The following ATP6V0D2 variants were observed in gnomAD, a reference collection of about 807,000 sequenced individuals.
The protein encoded by ATP6V0D2 is ATPase H+ transporting V0 subunit d2.
In ATP6V0D2, 40 loss-of-function variants were observed where a neutral mutation model predicts 40.0. The ratio of observed to expected loss-of-function variants is 1.00; its 90% CI spans 0.78 to 1.30. The LOEUF is 1.30. ATP6V0D2 is among the 50% of genes most tolerant of loss of function. The pLI, the probability that ATP6V0D2 is intolerant of heterozygous loss-of-function variation, is 0.00. For missense variants in ATP6V0D2, 470 were observed against 423.1 expected (o/e 1.11, Z -0.97); for synonymous variants, 179 against 156.3 (o/e 1.15, Z -1.08).
At chr8:86,121,563 C>A (rs1818669604) in intron 2 of ATP6V0D2, among the ~76,000 whole-genome samples, 1 of 146,412 alleles carries the variant, frequency 6.8e-6, no homozygotes, top group Non-Finnish European at 1.5e-5. Context: ...GAGCAAGACT[C>A]CACCATTTCA....
chr8:86,102,820 T>C (rs919300317), intron 1 of ATP6V0D2, among the ~76,000 whole-genome samples: 1 of 152,200 alleles, frequency 6.6e-6, no homozygotes, highest in Non-Finnish European at 1.5e-5. Context: ...TTAGTTCCCA[T>C]TGCCTTTGTC....
At chr8:86,120,578 T>A (rs529468183) in intron 2 of ATP6V0D2, among the ~76,000 whole-genome samples, 12 of 152,196 alleles carry the variant, frequency 7.9e-5, no homozygotes, top group South Asian at 2.1e-4. Flanking sequence ...ATTAAAAAAA[T>A]TTTTTGTCAA....
Position 86,152,997 on chromosome 8 carries a change from TG to T in ATP6V0D2, c.*21del. The stretch of plus-strand genomic sequence containing the variant: ...TTATAACCCAAGTAAGGTTCTCAAA[TG>T]TAGAAAATTATAAATGTTAAAAGGA... On this transcript the variant is annotated 3_prime_UTR_variant, in exon 8 of 8. Transcript: ENST00000285393. 3 of 1,550,086 alleles carry T rather than the reference TG, an allele frequency of 1.9e-6. No individual in the cohort carries two copies. The highest frequency in any genetic ancestry group is 2.6e-6 in the Non-Finnish European group (3 of 1,152,678).
At chr8:86,143,631 G>A (rs1819007255) in intron 5 of ATP6V0D2, among the ~76,000 whole-genome samples, 1 of 152,134 alleles carries the variant, frequency 6.6e-6, no homozygotes, top group African/African-American at 2.4e-5. Context: ...GGTTTTGGTG[G>A]GGTTTAGCCA....
intron 4 of ATP6V0D2, among the ~76,000 whole-genome samples, chr8:86,142,195 G>A (rs560014702): frequency 1.3e-5 from 2 of 152,300 alleles, no homozygotes; most frequent in East Asian, 1.9e-4. Context: ...CAAAAGCATT[G>A]TATTGCAGGC....
intron 2 of ATP6V0D2, among the ~76,000 whole-genome samples, chr8:86,137,783 G>A (rs1451601684): frequency 6.6e-6 from 1 of 152,166 alleles, no homozygotes; most frequent in African/African-American, 2.4e-5. Flanking sequence ...GACTGCCTGA[G>A]TCTGAGTCTC....
At chr8:86,132,550 TA>T (rs1303012655) in intron 2 of ATP6V0D2, among the ~76,000 whole-genome samples, 2 of 152,316 alleles carry the variant, frequency 1.3e-5, no homozygotes, top group East Asian at 3.9e-4. Flanking sequence ...CAACTTTTTT[TA>T]GTTCCCACAT....
At chr8:86,119,563 A>C (rs1374537856) in intron 2 of ATP6V0D2, among the ~76,000 whole-genome samples, 1 of 152,168 alleles carries the variant, frequency 6.6e-6, no homozygotes, top group Non-Finnish European at 1.5e-5. Context: ...AAGGAAACTT[A>C]GCATTCATTA....
At chr8:86,105,029 A>T (rs967421059) in intron 1 of ATP6V0D2, among the ~76,000 whole-genome samples, 2 of 152,120 alleles carry the variant, frequency 1.3e-5, no homozygotes, top group Non-Finnish European at 2.9e-5. Flanking sequence ...CTGGAAAGCG[A>T]CCATCTCCCT....
At chr8:86,113,552 C>T (rs985407959) in intron 1 of ATP6V0D2, among the ~76,000 whole-genome samples, 157 bp from the exon 2 acceptor site, 12 of 152,154 alleles carry the variant, frequency 7.9e-5, no homozygotes, top group Non-Finnish European at 1.5e-4. Flanking sequence ...TGTTGCTTTA[C>T]AGATCAAGTC....
chr8:86,141,826 G>A (rs1384490404), intron 4 of ATP6V0D2, among the ~76,000 whole-genome samples: 1 of 152,140 alleles, frequency 6.6e-6, no homozygotes, highest in African/African-American at 2.4e-5. Context: ...TGAAGAAATG[G>A]GGTGAACAAT....
rs1321086108 is a variant in ATP6V0D2 at position 86,141,457 on chromosome 8, C to A, written c.489C>A (p.Phe163Leu). The change falls in exon 4 of 8, where the codon TTC becomes TTA. Residue 163 changes from phenylalanine to leucine, a missense_variant. Transcript: ENST00000285393. Reference protein sequence around the residue: ...AILIETPLAPFFQDCMSENAL... With the variant: ...AILIETPLAPLFQDCMSENAL... ...GGCAATTTCTGCTTTCAGCTCCATT[C>A]TTCCAAGACTGCATGTCTGAAAATG... The A allele has an allele frequency of 1.2e-6, 2 of 1,610,362 alleles. No individual in the cohort carries two copies. The highest frequency in any genetic ancestry group is 2.2e-5 in the South Asian group (2 of 90,858).
chr8:86,121,212 T>C (rs1250694328), intron 2 of ATP6V0D2, among the ~76,000 whole-genome samples: 1 of 152,214 alleles, frequency 6.6e-6, no homozygotes, highest in African/African-American at 2.4e-5. Context: ...TGTGATGTCT[T>C]GTGACTAGCA....
chr8:86,146,146 T>C (rs1819065549), intron 5 of ATP6V0D2, among the ~76,000 whole-genome samples: 1 of 152,212 alleles, frequency 6.6e-6, no homozygotes, highest in Non-Finnish European at 1.5e-5. Context: ...TGCTAATTCA[T>C]AAGCAAGATC....
chr8:86,139,372 C>T, intron 2 of ATP6V0D2, 85 bp from the exon 3 acceptor site: 1 of 1,197,826 alleles, frequency 8.3e-7, no homozygotes, highest in Non-Finnish European at 1.2e-6. Context: ...CAGTGTGTAC[C>T]TAAAGAGTGT....
At chr8:86,140,381 G>A (rs1455076364) in intron 3 of ATP6V0D2, among the ~76,000 whole-genome samples, 1 of 152,040 alleles carries the variant, frequency 6.6e-6, no homozygotes, top group Non-Finnish European at 1.5e-5. Context: ...AGATAGCATA[G>A]GCTGATCGAG....
intron 6 of ATP6V0D2, among the ~76,000 whole-genome samples, chr8:86,151,080 G>A (rs1474105843): frequency 6.6e-6 from 1 of 152,036 alleles, no homozygotes; most frequent in African/African-American, 2.4e-5. Context: ...CTTCCACACT[G>A]GAAACTACAT....
In ATP6V0D2 at chr8:86,129,793, C is replaced by T. The variant is rs1374138238; in HGVS notation, c.303-9664C>T. On this transcript the variant is annotated intron_variant, in intron 2 of 7. Coordinates refer to ENST00000285393, the MANE Select transcript of ATP6V0D2 (RefSeq NM_152565.1). ...ACTCCAGCCTGGGCAACAGAGTCAG[C>T]CTCTGTCTCAGGAAAAAAAAAAAAG... Among the ~76,000 whole-genome samples the T allele has an allele frequency of 2.7e-5, 4 of 149,864 alleles. No individual in the cohort carries two copies. The East Asian group carries it at 7.9e-4, about 30-fold the overall frequency.
At chr8:86,139,944 C>A (rs529199802) in intron 3 of ATP6V0D2, among the ~76,000 whole-genome samples, 4 of 152,224 alleles carry the variant, frequency 2.6e-5, no homozygotes, top group Admixed American at 2.6e-4. Flanking sequence ...TCACTTTATA[C>A]CAGGTCATAG....
Sources: gnomAD v4.1 joint callset for allele counts (sites outside exome capture counted in the v4.1 genomes callset) on GRCh38, gnomAD v4.1.1 for gene constraint, MANE v1.5 for transcripts, NCBI Gene and HGNC (gene_info 2026-07-23, HGNC 2026-07-21) for gene names.